Variants in MLXIPL observed in about 807,000 individuals in gnomAD.
MLXIPL encodes the protein MLX interacting protein like, also known as carbohydrate-responsive element-binding protein.
Under a neutral mutation model 81.5 loss-of-function variants are expected in MLXIPL, and 49 were observed. The ratio of observed to expected loss-of-function variants is 0.60; its 90% CI spans 0.48 to 0.76. MLXIPL has a LOEUF of 0.76. Ranked by LOEUF, MLXIPL falls within the 30% of genes least tolerant of loss-of-function variation. The probability of loss-of-function intolerance (pLI) is 0.00; values close to 1 mark genes in which losing one functional copy is unlikely to be tolerated. For synonymous variants in MLXIPL, 466 were observed against 485.5 expected, an observed-to-expected ratio of 0.96 and a Z score of 0.53; for missense variants, 1,053 against 1,167.0, an observed-to-expected ratio of 0.90 and a Z score of 1.42.
Position 73,593,851 on chromosome 7 carries a change from G to C in MLXIPL, c.*14C>G, listed in dbSNP as rs782377120. The C allele has an allele frequency of 6.2e-7, 1 of 1,605,172 alleles. No individual in the cohort carries two copies. Among genetic ancestry groups the C allele is most frequent in the South Asian group, 1.1e-5 (1 of 90,870 alleles). ...CCCCAGGGCAGCTGAGTGAGCAGCAGGGTCTGGCCAGGACTATAAAGGTTT... is the reference window on the plus strand; with the variant it reads ...CCCCAGGGCAGCTGAGTGAGCAGCACGGTCTGGCCAGGACTATAAAGGTTT... On this transcript the variant is annotated 3_prime_UTR_variant, in exon 17 of 17. Transcript: ENST00000313375.
upstream of MLXIPL, among the ~76,000 whole-genome samples, chr7:73,626,118 C>G (rs1009214465): frequency 6.6e-6 from 1 of 151,936 alleles, no homozygotes; most frequent in Admixed American, 6.6e-5. Context: ...ATTCTCCTGC[C>G]TTAGCCTCCT....
chr7:73,646,948 G>A, the MLXIPL span, among the ~76,000 whole-genome samples: 5 of 152,024 alleles, frequency 3.3e-5, no homozygotes, highest in African/African-American at 1.2e-4. Context: ...GTTGGAGTGG[G>A]CCACACTGTC....
intron 7 of MLXIPL, among the ~76,000 whole-genome samples, chr7:73,603,987 G>A (rs1019885990): frequency 1.3e-5 from 2 of 152,206 alleles, no homozygotes; most frequent in Admixed American, 1.3e-4. Flanking sequence ...AGTCCGAGGT[G>A]GGAGGATCGC....
intron 7 of MLXIPL, 146 bp downstream of exon 7, chr7:73,605,542 T>C: frequency 2.7e-6 from 2 of 745,382 alleles, no homozygotes; most frequent in Non-Finnish European, 4.4e-6. Context: ...TGAGATGCCA[T>C]CTCAAAATAA....
the MLXIPL span, among the ~76,000 whole-genome samples, chr7:73,639,765 A>C: frequency 6.6e-6 from 1 of 152,216 alleles, no homozygotes; most frequent in South Asian, 2.1e-4. Flanking sequence ...CTAATTTAAA[A>C]AGAAAGTTAT....
intron 5 of MLXIPL, chr7:73,606,364 T>G: frequency 1.8e-6 from 1 of 561,954 alleles, no homozygotes; most frequent in East Asian, 2.9e-5. Flanking sequence ...GATTTTTTCC[T>G]GTCTGGGACC....
chr7:73,630,285 C>CTTTT, the MLXIPL span, among the ~76,000 whole-genome samples: 350 of 97,776 alleles, frequency 3.6e-3, 8 homozygotes, highest in African/African-American at 5.2e-3. Context: ...GCCAGCTTGT[C>CTTTT]TTTTTTTTTT....
In MLXIPL at chr7:73,593,561, T is replaced by G. The variant is rs1584059190; in HGVS notation, c.*304A>C. The G allele has an allele frequency of 8.2e-6, 3 of 364,994 alleles. No homozygotes were observed. Among genetic ancestry groups the G allele is most frequent in the Non-Finnish European group, 1.1e-5 (2 of 188,546 alleles). The allele number at this position is 364,994 out of a possible 1,614,324, so 22.6% of individuals were successfully genotyped here. ...TGTCACAGCTGCCAAGGCCTGGGGG[T>G]CATCTGCTGATTGAACCTTCCCCAT... On this transcript the variant is annotated 3_prime_UTR_variant, in exon 17 of 17. Coordinates refer to ENST00000313375, the MANE Select transcript of MLXIPL (RefSeq NM_032951.3).
chr7:73,640,987 A>G, the MLXIPL span, among the ~76,000 whole-genome samples: 11 of 151,814 alleles, frequency 7.2e-5, no homozygotes, highest in South Asian at 2.1e-4. Flanking sequence ...GCCACTCACA[A>G]TCTCATTCTG....
the MLXIPL span, among the ~76,000 whole-genome samples, chr7:73,634,975 C>T: frequency 6.7e-6 from 1 of 148,958 alleles, no homozygotes; most frequent in South Asian, 2.1e-4. Context: ...ACCACCACGC[C>T]CAGCTATTTT....
chr7:73,637,447 C>A, the MLXIPL span, among the ~76,000 whole-genome samples: 1 of 151,470 alleles, frequency 6.6e-6, no homozygotes, highest in Non-Finnish European at 1.5e-5. Context: ...TGCACTCCAG[C>A]CTGAGTGACA....
chr7:73,602,070 ACCTGCCTGCCTG>A (rs1248654166), intron 7 of MLXIPL, among the ~76,000 whole-genome samples: 9 of 87,244 alleles, frequency 1.0e-4, no homozygotes, highest in African/African-American at 3.5e-4. Flanking sequence ...CTTGCTGTCC[ACCTGCCTGCCTG>A]CCTGCCTGCC....
intron 7 of MLXIPL, 33 bp downstream of exon 7, chr7:73,605,655 C>G (rs782789466): frequency 5.0e-6 from 8 of 1,610,026 alleles, no homozygotes; most frequent in South Asian, 1.1e-5. Flanking sequence ...AGACCCTGCC[C>G]GTCCACCCGA....
chr7:73,643,356 T>C, the MLXIPL span, among the ~76,000 whole-genome samples: 1 of 151,792 alleles, frequency 6.6e-6, no homozygotes, highest in Non-Finnish European at 1.5e-5. Flanking sequence ...CTACTAAAAA[T>C]ATAAAAAATT....
At position 73,606,095 on chromosome 7, in the gene MLXIPL, G is replaced by C; in HGVS notation, c.635C>G (p.Pro212Arg). The C allele has an allele frequency of 6.3e-7, 1 of 1,580,298 alleles. No homozygotes were observed. The highest frequency in any genetic ancestry group is 1.2e-5 in the South Asian group (1 of 86,652). The change falls in exon 6 of 17, where the codon CCG becomes CGG. Residue 212 changes from proline to arginine, a missense_variant. This residue lies in a region of MLXIPL where 823 missense variants were observed against 933.0 expected (regional missense o/e 0.88). Coordinates refer to ENST00000313375, the MANE Select transcript of MLXIPL (RefSeq NM_032951.3). ...CTGTTTGCACCATTGCTCCGGCGGC[G>C]GCCACCTGCCTTCCGCCTAGGGAGA... ...LAPKQAEGRW[P>R]PPEQWCKQLF...
chr7:73,636,227 T>C, the MLXIPL span, among the ~76,000 whole-genome samples: 2 of 151,942 alleles, frequency 1.3e-5, no homozygotes, highest in African/African-American at 2.4e-5. Context: ...CTGGCCAATA[T>C]GGTGAAACCC....
the MLXIPL span, among the ~76,000 whole-genome samples, chr7:73,645,589 C>T: frequency 0.011 from 1,703 of 152,280 alleles, 35 homozygotes; most frequent in African/African-American, 0.038. Context: ...CAATGTAATC[C>T]CCTCTTGTGT....
chr7:73,622,725 C>A (rs1796461691), intron 1 of MLXIPL, among the ~76,000 whole-genome samples: 1 of 151,508 alleles, frequency 6.6e-6, no homozygotes, highest in Non-Finnish European at 1.5e-5. Context: ...GGGGTTACAT[C>A]AGCCTTGAGT....
intron 7 of MLXIPL, among the ~76,000 whole-genome samples, chr7:73,601,226 C>T (rs1157171378): frequency 7.6e-6 from 1 of 131,088 alleles, no homozygotes; most frequent in East Asian, 2.1e-4. Flanking sequence ...TTTGTGTCTT[C>T]ACCCCCAACC....
Sources: gnomAD v4.1 joint callset for allele counts (sites outside exome capture counted in the v4.1 genomes callset) on GRCh38, gnomAD v4.1.1 for gene constraint, gnomAD v4.1.1 regional missense constraint, MANE v1.5 for transcripts, NCBI Gene and HGNC (gene_info 2026-07-23, HGNC 2026-07-21) for gene names.